Variants in NCK2 observed in about 807,000 individuals in gnomAD.
NCK2 encodes cytoplasmic protein NCK2.
A neutral mutation model predicts 33.9 loss-of-function variants in NCK2; 16 were observed. That is an observed-to-expected ratio of 0.47 (90% CI 0.32 to 0.72). The LOEUF (loss-of-function observed/expected upper bound fraction) is 0.72. NCK2 is among the 30% of genes least tolerant of loss of function. The pLI is 0.03. For missense variants in NCK2, 418 were observed against 537.3 expected (o/e 0.78, Z 2.19); for synonymous variants, 273 against 239.9 (o/e 1.14, Z -1.27).
chr2:105,850,346 C>T (rs970316285), intron 2 of NCK2, among the ~76,000 whole-genome samples: 5 of 152,050 alleles, frequency 3.3e-5, no homozygotes, highest in South Asian at 4.2e-4. Context: ...TAGGATTGCT[C>T]GTATTTTAGG....
At chr2:105,810,663 A>T (rs1273305683) in intron 1 of NCK2, among the ~76,000 whole-genome samples, 1 of 152,192 alleles carries the variant, frequency 6.6e-6, no homozygotes, top group Non-Finnish European at 1.5e-5. Context: ...GATTACAAAG[A>T]CAAGTAGCAG....
At chr2:105,873,815 C>A (rs1678124388) in intron 3 of NCK2, among the ~76,000 whole-genome samples, 1 of 152,212 alleles carries the variant, frequency 6.6e-6, no homozygotes, top group Admixed American at 6.5e-5. Flanking sequence ...CTGAGCCTCT[C>A]CCTGCTCACC....
chr2:105,776,213 G>A (rs1001024155), intron 1 of NCK2, among the ~76,000 whole-genome samples: 1 of 152,212 alleles, frequency 6.6e-6, no homozygotes, highest in Non-Finnish European at 1.5e-5. Flanking sequence ...TGTCCTGGGT[G>A]GGGACACCCC....
At chr2:105,768,454 A>G (rs935852838) in intron 1 of NCK2, among the ~76,000 whole-genome samples, 1 of 152,148 alleles carries the variant, frequency 6.6e-6, no homozygotes, top group Non-Finnish European at 1.5e-5. Flanking sequence ...TGCATGTCCT[A>G]AGCCACCTGT....
chr2:105,806,306 C>T (rs1292810251), intron 1 of NCK2, among the ~76,000 whole-genome samples: 1 of 147,308 alleles, frequency 6.8e-6, no homozygotes, highest in Non-Finnish European at 1.5e-5. Flanking sequence ...GGCACGATCT[C>T]TGCTCACTGC....
chr2:105,834,575 G>A (rs1676317775), intron 2 of NCK2, among the ~76,000 whole-genome samples: 1 of 151,388 alleles, frequency 6.6e-6, no homozygotes, highest in Non-Finnish European at 1.5e-5. Flanking sequence ...GCAGCATATA[G>A]TTAGGTGGTG....
chr2:105,812,742 A>ATATG (rs1462356076), intron 1 of NCK2, among the ~76,000 whole-genome samples: 7 of 151,282 alleles, frequency 4.6e-5, no homozygotes, highest in African/African-American at 1.7e-4. Flanking sequence ...AACACAGATT[A>ATATG]GATTTGGTTA....
intron 1 of NCK2, among the ~76,000 whole-genome samples, chr2:105,774,654 C>T (rs1690245492): frequency 6.6e-6 from 1 of 152,000 alleles, no homozygotes; most frequent in Non-Finnish European, 1.5e-5. Context: ...GCTGTTGGGG[C>T]CTGTCCACTC....
chr2:105,772,186 C>G (rs1230902732), intron 1 of NCK2, among the ~76,000 whole-genome samples: 2 of 152,060 alleles, frequency 1.3e-5, no homozygotes, highest in African/African-American at 4.8e-5. Flanking sequence ...CCTCTCGGAG[C>G]CTCCTGGGAA....
intron 1 of NCK2, among the ~76,000 whole-genome samples, chr2:105,795,777 A>T (rs1056789743): frequency 6.6e-6 from 1 of 152,114 alleles, no homozygotes; most frequent in African/African-American, 2.4e-5. Context: ...CTCATGTTCA[A>T]CCAGGTATTT....
chr2:105,779,498 C>T (rs1690418525), intron 1 of NCK2, among the ~76,000 whole-genome samples: 1 of 152,120 alleles, frequency 6.6e-6, no homozygotes, highest in Non-Finnish European at 1.5e-5. Flanking sequence ...TCTCTGCCAC[C>T]TACCAAGTGG....
chr2:105,882,653 G>A (rs552915697), intron 4 of NCK2, among the ~76,000 whole-genome samples: 29 of 152,292 alleles, frequency 1.9e-4, no homozygotes, highest in African/African-American at 7.0e-4. Context: ...GAGATATGAG[G>A]CCACTCGACT....
At chr2:105,771,918 C>G (rs1690146720) in intron 1 of NCK2, among the ~76,000 whole-genome samples, 1 of 152,200 alleles carries the variant, frequency 6.6e-6, no homozygotes, top group East Asian at 1.9e-4. Context: ...AGACTGACTT[C>G]CTCCCTCCCA....
intron 1 of NCK2, among the ~76,000 whole-genome samples, chr2:105,788,079 G>A (rs562521954): frequency 2.9e-4 from 44 of 152,288 alleles, no homozygotes; most frequent in African/African-American, 9.1e-4. Flanking sequence ...GAGGGTGCTA[G>A]CTTTGAAAAA....
intron 1 of NCK2, among the ~76,000 whole-genome samples, chr2:105,776,686 C>T (rs530722071): frequency 2.0e-5 from 3 of 152,294 alleles, no homozygotes; most frequent in African/African-American, 7.2e-5. Context: ...CAGCCTCCCT[C>T]GTTTTAGCTC....
chr2:105,856,595 C>CT (rs1349558519), intron 3 of NCK2: 1 of 152,322 alleles, frequency 6.6e-6, no homozygotes, highest in African/African-American at 2.4e-5. Context: ...GTTGAAAAGT[C>CT]TAAACTCCCT....
At chr2:105,826,814 ATATG>A (rs1675971502) in intron 2 of NCK2, among the ~76,000 whole-genome samples, 1 of 152,064 alleles carries the variant, frequency 6.6e-6, no homozygotes, top group Admixed American at 6.5e-5. Flanking sequence ...GTATATATAT[ATATG>A]TATGTGTGTG....
chr2:105,775,098 C>T (rs932298179), intron 1 of NCK2, among the ~76,000 whole-genome samples: 1 of 152,036 alleles, frequency 6.6e-6, no homozygotes. Flanking sequence ...GTCTGAATAC[C>T]TTGTCATCTG....
At position 105,893,356 on chromosome 2, in the gene NCK2, G is replaced by A. The variant is rs1366106556; in HGVS notation, c.*180G>A. 19 of 586,518 alleles carry A rather than the reference G, an allele frequency of 3.2e-5. No individual in the cohort carries two copies. The East Asian group carries it at 4.8e-4, about 15-fold the overall frequency. 36.3% of individuals were successfully genotyped at this position (586,518 alleles called of 1,614,324 possible). On this transcript the variant is annotated 3_prime_UTR_variant, in exon 5 of 5. Transcript: ENST00000233154. The stretch of plus-strand genomic sequence containing the variant: ...CCATCCAGGCCTCACACCCACACTC[G>A]AGCCCACCCGGCCGGCCAGCTTTAG...
Sources: allele counts gnomAD v4.1 joint callset (sites outside exome capture counted in the v4.1 genomes callset), GRCh38; gene constraint gnomAD v4.1.1; transcripts MANE v1.5; gene names NCBI Gene and HGNC (gene_info 2026-07-23, HGNC 2026-07-21).